Variants in SPSB4 observed in about 807,000 individuals in gnomAD.
SPSB4 encodes SPRY domain-containing SOCS box protein 4.
In SPSB4, 21 loss-of-function variants were observed where a neutral mutation model predicts 20.9. That is an observed-to-expected ratio of 1.01 (90% CI 0.71 to 1.45). The LOEUF is 1.45. Among genes scored for constraint, SPSB4 ranks in the 40% most tolerant of loss-of-function variants. The pLI, the probability that SPSB4 is intolerant of heterozygous loss-of-function variation, is 0.00. For synonymous variants in SPSB4, 207 were observed against 183.8 expected (o/e 1.13, Z -1.02); for missense variants, 399 against 399.2 (o/e 1.00, Z 0.00).
At chr3:141,138,964 G>C (rs1939275588) in intron 2 of SPSB4, among the ~76,000 whole-genome samples, 1 of 152,126 alleles carries the variant, frequency 6.6e-6, no homozygotes, top group Admixed American at 6.5e-5. Flanking sequence ...TATTGTGTGG[G>C]TGTCTAAGTC....
chr3:141,083,685 C>T (rs1159054452), intron 2 of SPSB4, among the ~76,000 whole-genome samples: 2 of 152,140 alleles, frequency 1.3e-5, no homozygotes, highest in Non-Finnish European at 1.5e-5. Context: ...TTTCTGGAGG[C>T]TCCGAGCAAT....
At chr3:141,138,656 T>C (rs1173866736) in intron 2 of SPSB4, among the ~76,000 whole-genome samples, 1 of 152,246 alleles carries the variant, frequency 6.6e-6, no homozygotes, top group Non-Finnish European at 1.5e-5. Context: ...TGAGTGAGTT[T>C]CTTAATCCTG....
rs149412245 is a variant in SPSB4, at chr3:141,101,525, C to T, written c.694+34727C>T. Among the ~76,000 whole-genome samples the T allele has an allele frequency of 4.5e-3, 688 of 152,298 alleles. 6 individuals are homozygous for T. Among genetic ancestry groups the T allele is most frequent in the African/African-American group, 0.016 (663 of 41,580 alleles). ...GTTCTGGAACCATGACTGAGTTACT[C>T]AACCTCTTCAAGCCTCTGTCTTCCC... is the stretch of plus-strand genomic sequence containing the variant. On this transcript the variant is annotated intron_variant, in intron 2 of 2. Transcript: ENST00000310546.
At chr3:141,090,424 G>A (rs1454384678) in intron 2 of SPSB4, among the ~76,000 whole-genome samples, 1 of 152,192 alleles carries the variant, frequency 6.6e-6, no homozygotes, top group Non-Finnish European at 1.5e-5. Context: ...AAAGGAGCTG[G>A]AGTGTGTTGG....
intron 2 of SPSB4, among the ~76,000 whole-genome samples, chr3:141,083,497 G>T (rs1301526713): frequency 6.6e-6 from 1 of 152,192 alleles, no homozygotes; most frequent in South Asian, 2.1e-4. Context: ...TGACCCTTTT[G>T]TGTGGCACCC....
At chr3:141,116,082 G>A (rs1381411846) in intron 2 of SPSB4, among the ~76,000 whole-genome samples, 3 of 152,182 alleles carry the variant, frequency 2.0e-5, no homozygotes, top group Admixed American at 6.5e-5. Flanking sequence ...AAGAGATGAC[G>A]TTTCCCAAGT....
chr3:141,083,776 C>T lies in SPSB4; in HGVS notation c.694+16978C>T, dbSNP rs73868996. Among the ~76,000 whole-genome samples the T allele has an allele frequency of 5.0e-3, 763 of 152,196 alleles. 6 individuals carry two copies. Among genetic ancestry groups the T allele is most frequent in the African/African-American group, 0.018 (737 of 41,526 alleles). ...GTTCTGTGCTGCTGGAGCACATTTGCGGTGGTGAAGGGGGTCTGTGGGGTC... is the reference window on the plus strand; with the variant it reads ...GTTCTGTGCTGCTGGAGCACATTTGTGGTGGTGAAGGGGGTCTGTGGGGTC... On this transcript the variant is annotated intron_variant, in intron 2 of 2. Coordinates refer to ENST00000310546, the MANE Select transcript of SPSB4 (RefSeq NM_080862.3).
At chr3:141,082,041 G>A (rs1029805416) in intron 2 of SPSB4, among the ~76,000 whole-genome samples, 2 of 152,086 alleles carry the variant, frequency 1.3e-5, no homozygotes, top group South Asian at 2.1e-4. Context: ...GGTGGCTGCC[G>A]CATGGGGAGC....
chr3:141,111,971 A>G (rs1052046113), intron 2 of SPSB4, among the ~76,000 whole-genome samples: 1 of 152,140 alleles, frequency 6.6e-6, no homozygotes, highest in East Asian at 1.9e-4. Flanking sequence ...TCTCCGCTAA[A>G]TAGACTGGAG....
intron 2 of SPSB4, among the ~76,000 whole-genome samples, chr3:141,073,574 G>C (rs16851042): frequency 0.13 from 19,919 of 152,156 alleles, 4,019 homozygotes; most frequent in African/African-American, 0.44. Context: ...GCTGCTAATG[G>C]TGAAAGTGGT....
At chr3:141,112,661 A>AAAAAAAAAAAAAAAAAAAAAAAC in intron 2 of SPSB4, among the ~76,000 whole-genome samples, 1 of 149,478 alleles carries the variant, frequency 6.7e-6, no homozygotes, top group African/African-American at 2.5e-5. Flanking sequence ...AAAAAAAAAA[A>AAAAAAAAAAAAAAAAAAAAAAAC]AAAAAAAAGA....
intron 2 of SPSB4, among the ~76,000 whole-genome samples, chr3:141,138,944 C>A (rs1939275275): frequency 6.6e-6 from 1 of 152,140 alleles, no homozygotes; most frequent in Non-Finnish European, 1.5e-5. Flanking sequence ...GTGTTAAAGT[C>A]TCCCATTATT....
intron 2 of SPSB4, among the ~76,000 whole-genome samples, chr3:141,116,217 T>C (rs1413648455): frequency 6.6e-6 from 1 of 152,180 alleles, no homozygotes; most frequent in African/African-American, 2.4e-5. Context: ...TGGTGGTCGT[T>C]CTGGTGGCTG....
chr3:141,120,628 GTTC>G (rs1396267398), intron 2 of SPSB4, among the ~76,000 whole-genome samples: 1 of 152,214 alleles, frequency 6.6e-6, no homozygotes, highest in Admixed American at 6.5e-5. Context: ...AGGATAGTTA[GTTC>G]TTCTTGTTGA....
At chr3:141,136,438 G>T (rs1254812315) in intron 2 of SPSB4, among the ~76,000 whole-genome samples, 3 of 152,158 alleles carry the variant, frequency 2.0e-5, no homozygotes, top group East Asian at 3.9e-4. Flanking sequence ...GAATGGTATT[G>T]CCTAGGTTTT....
chr3:141,134,030 C>CTTTTTTTTTTTTTTTTT (rs1207127072), intron 2 of SPSB4, among the ~76,000 whole-genome samples: 6 of 37,764 alleles, frequency 1.6e-4, no homozygotes, highest in African/African-American at 5.2e-4. Flanking sequence ...TTTTTTTTTT[C>CTTTTTTTTTTTTTTTTT]TTTTCTTTTT....
At chr3:141,071,389 T>C (rs551432946) in intron 2 of SPSB4, among the ~76,000 whole-genome samples, 27 of 152,216 alleles carry the variant, frequency 1.8e-4, no homozygotes, top group East Asian at 1.9e-4. Context: ...CAAGAGGCCT[T>C]GGGGTCCCTG....
At chr3:141,140,824 G>C (rs1466865523) in intron 2 of SPSB4, among the ~76,000 whole-genome samples, 1 of 152,214 alleles carries the variant, frequency 6.6e-6, no homozygotes, top group Admixed American at 6.5e-5. Flanking sequence ...ATCTCAAGCT[G>C]CGTGCTGGGA....
At chr3:141,076,425 ACT>A (rs1295288912) in intron 2 of SPSB4, among the ~76,000 whole-genome samples, 2 of 152,236 alleles carry the variant, frequency 1.3e-5, no homozygotes, top group African/African-American at 4.8e-5. Context: ...TGTGAGGATG[ACT>A]TTGTTTGGCA....
Sources: gnomAD v4.1 joint callset for allele counts (sites outside exome capture counted in the v4.1 genomes callset) on GRCh38, gnomAD v4.1.1 for gene constraint, MANE v1.5 for transcripts, NCBI Gene and HGNC (gene_info 2026-07-23, HGNC 2026-07-21) for gene names.